The following ZFPM2 variants were observed in gnomAD, a reference collection of about 807,000 sequenced individuals.
ZFPM2 encodes zinc finger protein, FOG family member 2.
Under a neutral mutation model 98.6 loss-of-function variants are expected in ZFPM2, and 20 were observed. The observed-to-expected ratio is 0.20, with a 90% confidence interval of 0.14 to 0.29. The LOEUF is 0.29. Ranked by LOEUF, ZFPM2 falls within the 10% of genes least tolerant of loss-of-function variation. The probability of loss-of-function intolerance (pLI) is 1.00; values close to 1 mark genes in which losing one functional copy is unlikely to be tolerated. For missense variants in ZFPM2, 1,310 were observed against 1,388.6 expected (o/e 0.94, Z 0.90); for synonymous variants, 518 against 502.7 (o/e 1.03, Z -0.41).
chr8:105,448,178 G>GT (rs575306220), intron 3 of ZFPM2, among the ~76,000 whole-genome samples: 2 of 151,918 alleles, frequency 1.3e-5, no homozygotes, highest in Non-Finnish European at 2.9e-5. Context: ...TCTCAAGTCT[G>GT]TTTTTTAATG....
chr8:105,517,734 C>CACACACACAA lies in ZFPM2; in HGVS notation c.302-43621_302-43620insAAACACACAC, dbSNP rs1813965841. ...ACACACACACACACACACACACACACACACACACCCCTAGTTGGGTGTGGG... is the reference window on the plus strand; with the variant it reads ...ACACACACACACACACACACACACACACACACACAAACACACACCCCTAGTTGGGTGTGGG... On this transcript the variant is annotated intron_variant, in intron 3 of 7. Coordinates refer to ENST00000407775, the MANE Select transcript of ZFPM2 (RefSeq NM_012082.4). Among the ~76,000 whole-genome samples, 16 of 151,532 alleles carry CACACACACAA rather than the reference C, an allele frequency of 1.1e-4. No homozygotes were observed. In the South Asian group the frequency reaches 3.1e-3, roughly 30 times the overall value.
chr8:105,493,640 T>G lies in ZFPM2; in HGVS notation c.301+49259T>G, dbSNP rs1368331859. Among the ~76,000 whole-genome samples the G allele has an allele frequency of 3.9e-5, 6 of 152,322 alleles. No individual in the cohort carries two copies. The East Asian group carries it at 9.7e-4, about 25-fold the overall frequency. On this transcript the variant is annotated intron_variant, in intron 3 of 7. Coordinates refer to ENST00000407775, the MANE Select transcript of ZFPM2 (RefSeq NM_012082.4). ...GTTCCACTTGCCAGTTGTAGCACTCTGGCCCTGCTGTGGTATTCCAAACCA... is the reference window on the plus strand; with the variant it reads ...GTTCCACTTGCCAGTTGTAGCACTCGGGCCCTGCTGTGGTATTCCAAACCA...
intron 3 of ZFPM2, among the ~76,000 whole-genome samples, chr8:105,500,338 G>C (rs1204572372): frequency 6.6e-6 from 1 of 151,990 alleles, no homozygotes; most frequent in East Asian, 1.9e-4. Context: ...GCTTAAATTT[G>C]AGAATAAACA....
At chr8:105,344,426 C>T (rs1812480481) in intron 1 of ZFPM2, among the ~76,000 whole-genome samples, 1 of 152,270 alleles carries the variant, frequency 6.6e-6, no homozygotes, top group African/African-American at 2.4e-5. Flanking sequence ...ATTCTTCCCA[C>T]TTTGACATTC....
chr8:105,707,915 T>A (rs1729323159), intron 5 of ZFPM2, among the ~76,000 whole-genome samples: 1 of 152,192 alleles, frequency 6.6e-6, no homozygotes, highest in African/African-American at 2.4e-5. Flanking sequence ...TGCTGCTTTT[T>A]GAAAGAATAA....
At chr8:105,615,850 A>G (rs1816403643) in intron 4 of ZFPM2, among the ~76,000 whole-genome samples, 1 of 152,120 alleles carries the variant, frequency 6.6e-6, no homozygotes, top group South Asian at 2.1e-4. Flanking sequence ...AGTTTAGTGA[A>G]TTTCCAGATC....
Position 105,472,674 on chromosome 8 carries a change from T to C in ZFPM2, c.301+28293T>C, listed in dbSNP as rs544585433. Among the ~76,000 whole-genome samples, 7 of 151,964 alleles carry C rather than the reference T, an allele frequency of 4.6e-5. No homozygotes were observed. In the South Asian group the frequency reaches 1.5e-3, roughly 32 times the overall value. On this transcript the variant is annotated intron_variant, in intron 3 of 7. Coordinates refer to ENST00000407775, the MANE Select transcript of ZFPM2 (RefSeq NM_012082.4). ...CCCACCATCGCACCCGGCTAATTTT[T>C]TTTTTTGTATTTTTTATTAGAGACG...
chr8:105,673,467 A>G (rs1005899939), intron 5 of ZFPM2, among the ~76,000 whole-genome samples: 2 of 152,038 alleles, frequency 1.3e-5, no homozygotes, highest in Non-Finnish European at 2.9e-5. Context: ...AATAATATAC[A>G]TGTCTATGAG....
chr8:105,582,126 G>A (rs1355885928), intron 4 of ZFPM2, among the ~76,000 whole-genome samples: 1 of 152,298 alleles, frequency 6.6e-6, no homozygotes, highest in East Asian at 1.9e-4. Context: ...ACTACTTTAT[G>A]CTCAAAAGCA....
intron 1 of ZFPM2, among the ~76,000 whole-genome samples, chr8:105,328,791 T>C (rs1812161233): frequency 6.6e-6 from 1 of 151,872 alleles, no homozygotes; most frequent in South Asian, 2.1e-4. Flanking sequence ...TGGTAGCCTT[T>C]CTGCTTACAT....
In ZFPM2 at chr8:105,803,150, G is replaced by A. The variant is rs370742520; in HGVS notation, c.3068G>A (p.Gly1023Glu). ...ESPKGQASSN[G>E]CAALKKDSLP... is the part of the protein sequence containing the mutation. ...CCTAAAGGCCAGGCTTCCTCAAATG[G>A]GTGTGCTGCGCTGAAGAAAGATTCT... Residue 1023 changes from glycine to glutamate, a missense_variant, in exon 8 of 8, where the codon GGG becomes GAG. By Grantham distance (98) the Gly-to-Glu change is moderately conservative (BLOSUM62 -2). Transcript: ENST00000407775. 2 of 1,613,742 alleles carry A rather than the reference G, an allele frequency of 1.2e-6. No individual in the cohort carries two copies. The highest frequency in any genetic ancestry group is 2.2e-5 in the East Asian group (1 of 44,870).
intron 3 of ZFPM2, among the ~76,000 whole-genome samples, chr8:105,467,859 T>G (rs1039139924): frequency 2.0e-5 from 3 of 152,006 alleles, no homozygotes; most frequent in African/African-American, 7.2e-5. Context: ...TTAAAATCTG[T>G]ATGCATAAAA....
At chr8:105,680,805 C>G (rs144462401) in intron 5 of ZFPM2, among the ~76,000 whole-genome samples, 1 of 151,992 alleles carries the variant, frequency 6.6e-6, no homozygotes. Flanking sequence ...TAAAATGCTT[C>G]ATGAAACCAT....
chr8:105,524,871 G>T (rs1232076237), intron 3 of ZFPM2, among the ~76,000 whole-genome samples: 1 of 152,064 alleles, frequency 6.6e-6, no homozygotes, highest in African/African-American at 2.4e-5. Context: ...AAAGATTCTT[G>T]TGTGTTTAAA....
At chr8:105,675,664 G>A (rs139065917) in intron 5 of ZFPM2, among the ~76,000 whole-genome samples, 5 of 152,178 alleles carry the variant, frequency 3.3e-5, no homozygotes, top group Non-Finnish European at 7.4e-5. Flanking sequence ...TAAAGGCAAG[G>A]TGTAAATAAA....
chr8:105,652,343 G>A, intron 5 of ZFPM2, among the ~76,000 whole-genome samples: 1 of 116,772 alleles, frequency 8.6e-6, no homozygotes, highest in Non-Finnish European at 1.8e-5. Flanking sequence ...CTGACATACA[G>A]TAGTACTTCA....
At chr8:105,402,504 TTTAAC>T (rs1348185712) in intron 1 of ZFPM2, among the ~76,000 whole-genome samples, 1 of 152,022 alleles carries the variant, frequency 6.6e-6, no homozygotes, top group Non-Finnish European at 1.5e-5. Context: ...ATCAAAATAA[TTTAAC>T]CCGTCTTTAG....
chr8:105,384,495 C>G (rs2075368441), intron 1 of ZFPM2, among the ~76,000 whole-genome samples: 1 of 151,768 alleles, frequency 6.6e-6, no homozygotes, highest in Admixed American at 6.6e-5. Flanking sequence ...GTTTTTTTCT[C>G]TGAGGTGGGG....
chr8:105,538,016 C>T (rs1257942567), intron 3 of ZFPM2, among the ~76,000 whole-genome samples: 1 of 152,116 alleles, frequency 6.6e-6, no homozygotes, highest in Non-Finnish European at 1.5e-5. Context: ...TTTTTACAGG[C>T]TCCATATTGA....
Sources: gnomAD v4.1 joint callset for allele counts (sites outside exome capture counted in the v4.1 genomes callset) on GRCh38, gnomAD v4.1.1 for gene constraint, MANE v1.5 for transcripts, NCBI Gene and HGNC (gene_info 2026-07-23, HGNC 2026-07-21) for gene names.